PKNOX2: variants seen among roughly 807,000 people sequenced by gnomAD.
PKNOX2 encodes PBX/knotted 1 homeobox 2, also known as homeobox protein PKNOX2.
Under a neutral mutation model 53.1 loss-of-function variants are expected in PKNOX2, and 14 were observed. The observed-to-expected ratio is 0.26, with a 90% CI of 0.17 to 0.41. The LOEUF (loss-of-function observed/expected upper bound fraction) is 0.41, where lower values mean the gene tolerates loss of function less well. PKNOX2 is among the 10% of genes least tolerant of loss of function. The pLI is 1.00. For synonymous variants in PKNOX2, 257 were observed against 242.8 expected, an observed-to-expected ratio of 1.06 and a Z score of -0.54; for missense variants, 496 against 602.8, an observed-to-expected ratio of 0.82 and a Z score of 1.85.
intron 4 of PKNOX2, among the ~76,000 whole-genome samples, chr11:125,359,769 G>C (rs1049649661): frequency 2.0e-5 from 3 of 152,232 alleles, no homozygotes; most frequent in Non-Finnish European, 2.9e-5. Context: ...GCAGCCCCAG[G>C]GGGCCAGAAC....
chr11:125,354,174 TA>T (rs1951471475), intron 4 of PKNOX2, among the ~76,000 whole-genome samples: 6 of 152,162 alleles, frequency 3.9e-5, no homozygotes, highest in Admixed American at 3.9e-4. Flanking sequence ...CCCAGCTTCC[TA>T]GGGGGAGACT....
rs1275411559 is a variant in PKNOX2, at chr11:125,189,453, A to G, written c.-201+24677A>G. 3.9e-3 allele frequency among the ~76,000 whole-genome samples: 292 copies of G among 75,072 alleles called. 3 individuals are homozygous for G. Among genetic ancestry groups the G allele is most frequent in the African/African-American group, 0.019 (271 of 14,444 alleles). 49.3% of individuals were successfully genotyped at this position (75,072 alleles called of 152,430 possible). On this transcript the variant is annotated intron_variant, in intron 1 of 12. Coordinates refer to ENST00000298282, the MANE Select transcript of PKNOX2 (RefSeq NM_001382323.2). ...TGTGTGTGTGTGTGTGTGTGTATAT[A>G]TATATATATATATATATATATATAT...
intron 6 of PKNOX2, among the ~76,000 whole-genome samples, chr11:125,392,697 T>C (rs953148738): frequency 1.3e-5 from 2 of 152,208 alleles, no homozygotes; most frequent in African/African-American, 2.4e-5. Flanking sequence ...AAATTGGTTA[T>C]ATATTTAAAA....
chr11:125,278,234 A>G (rs1946314420), intron 2 of PKNOX2, among the ~76,000 whole-genome samples: 3 of 152,036 alleles, frequency 2.0e-5, no homozygotes, highest in African/African-American at 7.2e-5. Flanking sequence ...AAAAAAAAAA[A>G]AAACTGTAGT....
At chr11:125,272,665 A>T (rs2135798927) in intron 2 of PKNOX2, among the ~76,000 whole-genome samples, 1 of 152,280 alleles carries the variant, frequency 6.6e-6, no homozygotes, top group African/African-American at 2.4e-5. Flanking sequence ...GTGTCGCGTA[A>T]AGAGGGCACA....
intron 2 of PKNOX2, among the ~76,000 whole-genome samples, chr11:125,293,225 C>T (rs542364941): frequency 1.3e-5 from 2 of 152,242 alleles, no homozygotes; most frequent in Middle Eastern, 3.4e-3. Flanking sequence ...CAACTATATA[C>T]ATATATAATC....
At chr11:125,300,674 G>A (rs997093556) in intron 2 of PKNOX2, among the ~76,000 whole-genome samples, 4 of 152,044 alleles carry the variant, frequency 2.6e-5, no homozygotes, top group Non-Finnish European at 4.4e-5. Flanking sequence ...AGAGAGAGTC[G>A]GGTGCAGGAG....
chr11:125,232,792 C>T (rs1417271234), intron 1 of PKNOX2, among the ~76,000 whole-genome samples: 1 of 151,246 alleles, frequency 6.6e-6, no homozygotes, highest in Non-Finnish European at 1.5e-5. Flanking sequence ...ATCCTGGGCT[C>T]ATTTTGAGCT....
chr11:125,219,797 T>C (rs1268830468), intron 1 of PKNOX2, among the ~76,000 whole-genome samples: 1 of 152,154 alleles, frequency 6.6e-6, no homozygotes, highest in Admixed American at 6.5e-5. Context: ...AAACAGACTG[T>C]CTCATGGTGT....
chr11:125,389,721 C>T (rs942144602), intron 6 of PKNOX2, among the ~76,000 whole-genome samples: 1 of 152,174 alleles, frequency 6.6e-6, no homozygotes, highest in African/African-American at 2.4e-5. Context: ...GGTGCAGGGC[C>T]AAGGTTTTAT....
rs541548906 is a variant in PKNOX2, at chr11:125,331,945, C to T, written c.-23+20C>T. ...CGAACAGTAAGAAATGCTCTTCTGT[C>T]GTTTAACATACAGTTACACCCCCCA... On this transcript the variant is annotated intron_variant, in intron 3 of 12. Transcript: ENST00000298282. The T allele has an allele frequency of 7.2e-5, 11 of 152,160 alleles. No individual in the cohort carries two copies. Among genetic ancestry groups the T allele is most frequent in the Non-Finnish European group, 1.5e-4 (10 of 68,046 alleles). The allele number at this position is 152,160 out of a possible 1,614,324, so 9.4% of individuals were successfully genotyped here. A position where few individuals can be genotyped will look rare whatever the true frequency, so the allele number is the denominator to read the frequency against.
intron 5 of PKNOX2, among the ~76,000 whole-genome samples, chr11:125,381,435 C>T (rs1355766054): frequency 6.6e-6 from 1 of 152,128 alleles, no homozygotes. Context: ...GCTCCATAGA[C>T]TCTTAGTTAA....
At chr11:125,286,735 G>T (rs1312333730) in intron 2 of PKNOX2, among the ~76,000 whole-genome samples, 1 of 152,254 alleles carries the variant, frequency 6.6e-6, no homozygotes, top group African/African-American at 2.4e-5. Context: ...AAAGTTCATT[G>T]TGAATCTGGG....
intron 2 of PKNOX2, among the ~76,000 whole-genome samples, chr11:125,259,916 G>T (rs1944707079): frequency 1.4e-5 from 2 of 146,776 alleles, no homozygotes; most frequent in African/African-American, 5.1e-5. Flanking sequence ...TTGCTCTGTT[G>T]CCCAATCTGG....
At chr11:125,303,918 T>C (rs1948246070) in intron 2 of PKNOX2, among the ~76,000 whole-genome samples, 1 of 152,176 alleles carries the variant, frequency 6.6e-6, no homozygotes, top group Non-Finnish European at 1.5e-5. Context: ...TCAGCAAACA[T>C]TCTCTTCTCG....
At chr11:125,411,487 TC>T in intron 9 of PKNOX2, 3 of 437,564 alleles carry the variant, frequency 6.9e-6, no homozygotes, top group Non-Finnish European at 1.3e-5. Flanking sequence ...TCTCTCTCTC[TC>T]TCTCTCTCTC....
At chr11:125,200,048 T>C (rs1938257501) in intron 1 of PKNOX2, among the ~76,000 whole-genome samples, 1 of 152,278 alleles carries the variant, frequency 6.6e-6, no homozygotes, top group East Asian at 1.9e-4. Flanking sequence ...TTCCCATCTA[T>C]AGACAGTGAC....
chr11:125,405,311 C>A (rs777605546), intron 7 of PKNOX2, among the ~76,000 whole-genome samples: 2 of 152,242 alleles, frequency 1.3e-5, no homozygotes, highest in African/African-American at 2.4e-5. Flanking sequence ...TCCTTCACTC[C>A]TTCATGTCTT....
At chr11:125,189,116 G>T (rs1470573526) in intron 1 of PKNOX2, among the ~76,000 whole-genome samples, 1 of 151,614 alleles carries the variant, frequency 6.6e-6, no homozygotes, top group African/African-American at 2.4e-5. Flanking sequence ...TCTTTCTTTT[G>T]TTCTCATCTG....
Sources: gnomAD v4.1 joint callset for allele counts (sites outside exome capture counted in the v4.1 genomes callset) on GRCh38, gnomAD v4.1.1 for gene constraint, MANE v1.5 for transcripts, NCBI Gene and HGNC (gene_info 2026-07-23, HGNC 2026-07-21) for gene names.